FAIM: variants seen among roughly 807,000 people sequenced by gnomAD.
FAIM encodes the protein fas apoptotic inhibitory molecule 1.
FAIM carries 14 observed loss-of-function variants against 21.2 expected under a neutral mutation model. The observed-to-expected ratio is 0.66, with a 90% CI of 0.44 to 1.03. The LOEUF is 1.03. Ranked by LOEUF, FAIM falls within the 50% of genes least tolerant of loss-of-function variation. The pLI, the probability that FAIM is intolerant of heterozygous loss-of-function variation, is 0.00. For synonymous variants in FAIM, 86 were observed against 80.4 expected (o/e 1.07, Z -0.37); for missense variants, 222 against 247.1 (o/e 0.90, Z 0.68).
At chr3:138,610,995 G>T in intron 1 of FAIM, 1 of 1,613,904 alleles carries the variant, frequency 6.2e-7, no homozygotes, top group Non-Finnish European at 8.5e-7. Context: ...CCACTGTTGT[G>T]CTATAATCAT....
intron 1 of FAIM, chr3:138,609,296 C>T (rs1048864699): frequency 1.3e-5 from 2 of 151,406 alleles, no homozygotes; most frequent in Non-Finnish European, 3.0e-5. Context: ...CCCTGCCTAG[C>T]GAGGCCCTGC....
intron 5 of FAIM, among the ~76,000 whole-genome samples, chr3:138,632,694 C>T (rs944515962): frequency 1.3e-5 from 2 of 151,928 alleles, no homozygotes; most frequent in African/African-American, 4.8e-5. Flanking sequence ...GGTTTATATT[C>T]CTCCCCCAAG....
intron 4 of FAIM, among the ~76,000 whole-genome samples, chr3:138,625,978 C>CA (rs555256346): frequency 1.4e-3 from 212 of 152,220 alleles, no homozygotes; most frequent in Admixed American, 3.0e-3. Flanking sequence ...CACTGAATAC[C>CA]ATGGGAGGAA....
intron 1 of FAIM, among the ~76,000 whole-genome samples, chr3:138,609,313 A>ACCCTCGGAGAGGGTC (rs1353699816): frequency 3.3e-5 from 5 of 150,654 alleles, no homozygotes; most frequent in Non-Finnish European, 7.4e-5. Flanking sequence ...CTGCCCCGCG[A>ACCCTCGGAGAGGGTC]CCTGCCGCAC....
intron 1 of FAIM, among the ~76,000 whole-genome samples, chr3:138,611,257 C>T (rs1415959779): frequency 1.3e-5 from 2 of 151,796 alleles, no homozygotes; most frequent in Non-Finnish European, 2.9e-5. Flanking sequence ...AGCCAGGACA[C>T]CTGCATTTTT....
At chr3:138,626,883 CTGCTAGG>C (rs1412775453) in intron 4 of FAIM, among the ~76,000 whole-genome samples, 1 of 152,176 alleles carries the variant, frequency 6.6e-6, no homozygotes, top group Non-Finnish European at 1.5e-5. Context: ...TTTTGGCATT[CTGCTAGG>C]TGAAGCAATG....
At chr3:138,610,040 C>T (rs376246440) in intron 1 of FAIM, among the ~76,000 whole-genome samples, 45 of 152,206 alleles carry the variant, frequency 3.0e-4, no homozygotes, top group Admixed American at 5.9e-4. Context: ...GGGGCCGGCC[C>T]GGAGATGAAG....
chr3:138,629,791 G>C (rs377586625), intron 5 of FAIM: 2 of 152,248 alleles, frequency 1.3e-5, no homozygotes, highest in Admixed American at 6.5e-5. Context: ...GTGCCAATGC[G>C]AGGAGAAAGA....
rs1465051623 is a variant in FAIM, at chr3:138,621,475, T to C, written c.113T>C (p.Val38Ala). 1 of 1,613,934 alleles carries C rather than the reference T, an allele frequency of 6.2e-7. No homozygotes were observed. Among genetic ancestry groups the C allele is most frequent in the Non-Finnish European group, 8.5e-7 (1 of 1,179,932 alleles). Residue 38 changes from valine to alanine, a missense_variant, in exon 3 of 6, where the codon GTC becomes GCC. Physicochemically the swap from Val to Ala is moderately conservative, Grantham distance 64. Transcript: ENST00000360570. Reference sequence around the variant, plus strand: ...TGGGATGTTGCTTTAAGTGACGGAGTCCACAAGATCGAATTTGAACATGGG... The same window carrying C: ...TGGGATGTTGCTTTAAGTGACGGAGCCCACAAGATCGAATTTGAACATGGG... ...AVWDVALSDGVHKIEFEHGTT... is the reference protein window; with the variant it reads ...AVWDVALSDGAHKIEFEHGTT...
intron 4 of FAIM, among the ~76,000 whole-genome samples, chr3:138,625,278 C>T (rs2042927486): frequency 6.6e-6 from 1 of 152,024 alleles, no homozygotes; most frequent in African/African-American, 2.4e-5. Context: ...GCCTGACCAA[C>T]ATGGTGAAAC....
intron 4 of FAIM, among the ~76,000 whole-genome samples, chr3:138,625,977 C>T (rs1173475433): frequency 6.6e-6 from 1 of 152,060 alleles, no homozygotes; most frequent in African/African-American, 2.4e-5. Context: ...CCACTGAATA[C>T]CATGGGAGGA....
At chr3:138,611,871 T>G (rs1659671654) in intron 1 of FAIM, among the ~76,000 whole-genome samples, 1 of 152,236 alleles carries the variant, frequency 6.6e-6, no homozygotes, top group South Asian at 2.1e-4. Flanking sequence ...ATGCCCAATC[T>G]TGAGCTTCTC....
At chr3:138,609,576 C>G (rs1461868924) in intron 1 of FAIM, among the ~76,000 whole-genome samples, 1 of 11,914 alleles carries the variant, frequency 8.4e-5, no homozygotes, top group Non-Finnish European at 1.6e-4. Flanking sequence ...CTCTCTCTCT[C>G]GACTCTCTCT....
chr3:138,628,089 A>G (rs144066578), intron 4 of FAIM, among the ~76,000 whole-genome samples: 119 of 152,120 alleles, frequency 7.8e-4, no homozygotes, highest in Non-Finnish European at 1.5e-3. Context: ...GGACTCCTCC[A>G]CCCTGAGATG....
chr3:138,609,543 T>A lies in FAIM; in HGVS notation c.-17+606T>A, dbSNP rs1292816384. On this transcript the variant is annotated intron_variant, in intron 1 of 5. Transcript: ENST00000360570. ...TCATAAAGTGCTGAAACTCTCTCTCTCTCTCTCTCTCTCTCTCTCTCTCTC... is the reference window on the plus strand; with the variant it reads ...TCATAAAGTGCTGAAACTCTCTCTCACTCTCTCTCTCTCTCTCTCTCTCTC... Among the ~76,000 whole-genome samples, 6 of 18,266 alleles carry A rather than the reference T, an allele frequency of 3.3e-4. 1 individual carries two copies. Among genetic ancestry groups the A allele is most frequent in the Non-Finnish European group, 4.4e-4 (4 of 9,170 alleles). The allele number at this position is 18,266 out of a possible 152,430, so 12.0% of individuals were successfully genotyped here. A position where few individuals can be genotyped will look rare whatever the true frequency, so the allele number is the denominator to read the frequency against.
In FAIM at chr3:138,632,976, AC is replaced by A. The variant is rs1560502441; in HGVS notation, c.505del (p.His169MetfsTer5). On this transcript the variant is annotated frameshift_variant, in exon 6 of 6. Coordinates refer to ENST00000360570, the MANE Select transcript of FAIM (RefSeq NM_001033031.2). LOFTEE classifies it high-confidence loss of function. ...ACTGAAACTCACTTCAGTATCGGGA[AC>A]CATGACTGTTACATAAAGGCTGTCA... ...DGTETHFSIGNHDCYIKAVSS... is the reference protein window; with the variant it reads ...DGTETHFSIGXHDCYIKAVSS... The A allele has an allele frequency of 6.2e-7, 1 of 1,613,896 alleles. No homozygotes were observed. The highest frequency in any genetic ancestry group is 2.2e-5 in the East Asian group (1 of 44,824).
chr3:138,628,779 G>A (rs1017055913), intron 4 of FAIM, among the ~76,000 whole-genome samples: 1 of 151,972 alleles, frequency 6.6e-6, no homozygotes, highest in Admixed American at 6.6e-5. Context: ...CACCGCGCCC[G>A]GCCTGTATGC....
At chr3:138,619,621 A>G in intron 1 of FAIM, 90 bp from the exon 2 acceptor site, 1 of 1,159,308 alleles carries the variant, frequency 8.6e-7, no homozygotes, top group Middle Eastern at 2.0e-4. Context: ...AAAATTAGAA[A>G]AACCCTTTGT....
intron 2 of FAIM, among the ~76,000 whole-genome samples, chr3:138,620,539 G>T (rs569401713): frequency 6.6e-6 from 1 of 152,098 alleles, no homozygotes; most frequent in Admixed American, 6.5e-5. Context: ...TCTTTCACCC[G>T]GGCTGGAACG....
Sources: allele counts gnomAD v4.1 joint callset (sites outside exome capture counted in the v4.1 genomes callset), GRCh38; gene constraint gnomAD v4.1.1; transcripts MANE v1.5; gene names NCBI Gene and HGNC (gene_info 2026-07-23, HGNC 2026-07-21).